Variants in MAN1A1 observed in about 807,000 individuals in gnomAD.
MAN1A1 encodes mannosidase alpha class 1A member 1.
MAN1A1 carries 29 observed loss-of-function variants against 70.8 expected under a neutral mutation model. That is an observed-to-expected ratio of 0.41 (90% CI 0.31 to 0.56). The LOEUF (loss-of-function observed/expected upper bound fraction) is 0.56. MAN1A1 is among the 20% of genes least tolerant of loss of function. MAN1A1 has a pLI of 0.29. For synonymous variants in MAN1A1, 349 were observed against 330.1 expected, an observed-to-expected ratio of 1.06 and a Z score of -0.62; for missense variants, 747 against 841.3, an observed-to-expected ratio of 0.89 and a Z score of 1.39.
intron 2 of MAN1A1, among the ~76,000 whole-genome samples, chr6:119,336,994 T>A (rs1773469649): frequency 6.6e-6 from 1 of 152,188 alleles, no homozygotes; most frequent in Non-Finnish European, 1.5e-5. Context: ...CACTTTTCAA[T>A]AAAATAACAG....
intron 6 of MAN1A1, among the ~76,000 whole-genome samples, chr6:119,219,934 ATT>A (rs5879490): frequency 3.1e-4 from 46 of 148,454 alleles, no homozygotes; most frequent in South Asian, 4.2e-4. Context: ...TTGTCTGGTG[ATT>A]TTTTTTTTTT....
chr6:119,242,091 A>G (rs1775026730), intron 6 of MAN1A1, among the ~76,000 whole-genome samples: 1 of 151,332 alleles, frequency 6.6e-6, no homozygotes, highest in South Asian at 2.1e-4. Flanking sequence ...TCCAAGAACT[A>G]GGAAACAGGG....
At chr6:119,314,780 A>AGCAC (rs1213954098) in intron 2 of MAN1A1, among the ~76,000 whole-genome samples, 4 of 152,128 alleles carry the variant, frequency 2.6e-5, no homozygotes, top group Admixed American at 1.3e-4. Context: ...AGACCCTCAC[A>AGCAC]GCACCACCTT....
At chr6:119,188,706 A>T in intron 10 of MAN1A1, 129 bp from the exon 11 acceptor site, 1 of 756,222 alleles carries the variant, frequency 1.3e-6, no homozygotes, top group Non-Finnish European at 2.1e-6. Flanking sequence ...GGACCCTCCG[A>T]GGATAACAAA....
chr6:119,221,939 T>C (rs1201012627), intron 6 of MAN1A1, among the ~76,000 whole-genome samples: 5 of 152,196 alleles, frequency 3.3e-5, no homozygotes, highest in Non-Finnish European at 5.9e-5. Flanking sequence ...TCTTTCTCCA[T>C]ATTAATATAC....
intron 11 of MAN1A1, among the ~76,000 whole-genome samples, chr6:119,183,460 T>C (rs904042846): frequency 2.0e-5 from 3 of 151,968 alleles, no homozygotes; most frequent in Admixed American, 6.6e-5. Context: ...CCAAAAATTA[T>C]TGGTTAAAAA....
At chr6:119,301,789 C>A (rs6420706) in intron 4 of MAN1A1, among the ~76,000 whole-genome samples, 199 bp downstream of exon 4, 58,602 of 152,004 alleles carry the variant, frequency 0.39, 11,784 homozygotes, top group African/African-American at 0.41. Context: ...TCTTACTCTT[C>A]ATTTGCCAAA....
chr6:119,327,833 G>A (rs1411006967), intron 2 of MAN1A1, among the ~76,000 whole-genome samples: 1 of 152,124 alleles, frequency 6.6e-6, no homozygotes, highest in Non-Finnish European at 1.5e-5. Context: ...CTAAATGAAT[G>A]AATGAATGAA....
At chr6:119,257,438 G>A (rs1775490150) in intron 5 of MAN1A1, among the ~76,000 whole-genome samples, 1 of 152,134 alleles carries the variant, frequency 6.6e-6, no homozygotes, top group African/African-American at 2.4e-5. Flanking sequence ...AATAGGGCAG[G>A]AAGAAAGGCA....
intron 6 of MAN1A1, among the ~76,000 whole-genome samples, chr6:119,211,676 A>G (rs1369711056): frequency 6.6e-6 from 1 of 152,196 alleles, no homozygotes; most frequent in Non-Finnish European, 1.5e-5. Flanking sequence ...AGTGACTTCT[A>G]AGAGTCAAGA....
intron 6 of MAN1A1, among the ~76,000 whole-genome samples, chr6:119,247,630 TG>T (rs2114321889): frequency 6.6e-6 from 1 of 152,244 alleles, no homozygotes; most frequent in African/African-American, 2.4e-5. Context: ...CTGTTCAGCC[TG>T]GGATGTGTGT....
intron 2 of MAN1A1, among the ~76,000 whole-genome samples, chr6:119,338,296 A>G (rs1270108832): frequency 1.3e-5 from 2 of 152,132 alleles, no homozygotes; most frequent in Non-Finnish European, 2.9e-5. Flanking sequence ...TCACTATCTT[A>G]AAAAACATGA....
Position 119,193,893 on chromosome 6 carries a change from C to T in MAN1A1, c.1211-1G>A. On this transcript the variant is annotated splice_acceptor_variant, in intron 8 of 12. Coordinates refer to ENST00000368468, the MANE Select transcript of MAN1A1 (RefSeq NM_005907.4). LOFTEE classifies it high-confidence loss of function. ...CCAAGTCCTCCAACTGATACATGATCTGGAAAGAGAGGGAAATGAATTTTA... is the reference window on the plus strand; with the variant it reads ...CCAAGTCCTCCAACTGATACATGATTTGGAAAGAGAGGGAAATGAATTTTA... 3 of 1,584,824 alleles carry T rather than the reference C, an allele frequency of 1.9e-6. No homozygotes were observed. The highest frequency in any genetic ancestry group is 2.6e-6 in the Non-Finnish European group (3 of 1,155,394).
At chr6:119,350,196 A>AG (rs1438212955), upstream of MAN1A1, among the ~76,000 whole-genome samples, 3 of 151,660 alleles carry the variant, frequency 2.0e-5, no homozygotes, top group Non-Finnish European at 4.4e-5. Context: ...GGCGCTCCCG[A>AG]GGGGGTCCCG....
intron 2 of MAN1A1, among the ~76,000 whole-genome samples, chr6:119,340,501 C>A (rs1773568798): frequency 6.6e-6 from 1 of 152,176 alleles, no homozygotes; most frequent in South Asian, 2.1e-4. Context: ...GAGACACTAG[C>A]AATAGCTTGT....
rs560270272 is a variant in MAN1A1, at chr6:119,309,159, T to C, written c.604-2167A>G. Reference sequence around the variant, plus strand: ...CTGGGAGGGGTTTATCCAGCAATTATAAAGAGGAACAGTCATATTGTTAAC... The same window carrying C: ...CTGGGAGGGGTTTATCCAGCAATTACAAAGAGGAACAGTCATATTGTTAAC... On this transcript the variant is annotated intron_variant, in intron 2 of 12. Transcript: ENST00000368468. Among the ~76,000 whole-genome samples the C allele has an allele frequency of 3.3e-5, 5 of 152,324 alleles. No individual in the cohort carries two copies. The South Asian group carries it at 8.3e-4, about 25-fold the overall frequency.
At chr6:119,336,320 G>C (rs377225949) in intron 2 of MAN1A1, among the ~76,000 whole-genome samples, 1 of 152,012 alleles carries the variant, frequency 6.6e-6, no homozygotes, top group African/African-American at 2.4e-5. Context: ...TCCTCCCTTC[G>C]GCCTCCCAAA....
At chr6:119,260,976 G>GCTTTTTTTTTTTTTTTTTTTTTTTTT (rs1554209499) in intron 5 of MAN1A1, among the ~76,000 whole-genome samples, 2 of 116,942 alleles carry the variant, frequency 1.7e-5, no homozygotes, top group Non-Finnish European at 1.7e-5. Flanking sequence ...TTTTTTTATT[G>GCTTTTTTTTTTTTTTTTTTTTTTTTT]TTTTTTTTTT....
chr6:119,281,612 A>G (rs1776226440), intron 5 of MAN1A1, among the ~76,000 whole-genome samples: 1 of 152,214 alleles, frequency 6.6e-6, no homozygotes, highest in Non-Finnish European at 1.5e-5. Flanking sequence ...AAGCAGAGTC[A>G]AGGTAGAACA....
Sources: gnomAD v4.1 joint callset for allele counts (sites outside exome capture counted in the v4.1 genomes callset) on GRCh38, gnomAD v4.1.1 for gene constraint, MANE v1.5 for transcripts, NCBI Gene and HGNC (gene_info 2026-07-23, HGNC 2026-07-21) for gene names.